Variants in CCSER1 observed in about 807,000 individuals in gnomAD.
CCSER1 encodes coiled-coil serine rich protein 1.
In CCSER1, 41 loss-of-function variants were observed where a neutral mutation model predicts 82.0. The observed-to-expected ratio is 0.50, with a 90% CI of 0.39 to 0.65. CCSER1 has a LOEUF of 0.65. CCSER1 is among the 30% of genes least tolerant of loss of function. CCSER1 has a pLI of 0.00. For synonymous variants in CCSER1, 414 were observed against 383.9 expected (o/e 1.08, Z -0.92); for missense variants, 1,119 against 1,064.2 (o/e 1.05, Z -0.72).
In CCSER1 at chr4:91,602,700, T is replaced by G. The variant is rs1764857969; in HGVS notation, c.*3643T>G. 6.6e-6 allele frequency among the ~76,000 whole-genome samples: 1 copy of G among 152,002 alleles called. No homozygotes were observed. Among genetic ancestry groups the G allele is most frequent in the South Asian group, 2.1e-4 (1 of 4,832 alleles). On this transcript the variant is annotated 3_prime_UTR_variant, in exon 11 of 11. Coordinates refer to ENST00000509176, the MANE Select transcript of CCSER1 (RefSeq NM_001145065.2). ...AAGTGGTTCAAAATAACCCTAAGATTCCATTGAAACATATACACACAGATG... is the reference window on the plus strand; with the variant it reads ...AAGTGGTTCAAAATAACCCTAAGATGCCATTGAAACATATACACACAGATG...
chr4:91,125,139 G>GTATA (rs538780957), intron 10 of CCSER1, among the ~76,000 whole-genome samples: 8 of 151,590 alleles, frequency 5.3e-5, no homozygotes, highest in African/African-American at 1.9e-4. Flanking sequence ...TATCAAATTT[G>GTATA]TATATATATT....
chr4:91,030,365 A>G (rs1391906484), intron 9 of CCSER1, among the ~76,000 whole-genome samples: 2 of 152,150 alleles, frequency 1.3e-5, no homozygotes, highest in African/African-American at 2.4e-5. Flanking sequence ...ACACATAGCT[A>G]TTGAGCACTT....
intron 3 of CCSER1, among the ~76,000 whole-genome samples, chr4:90,391,034 C>T (rs994611389): frequency 4.1e-5 from 6 of 147,564 alleles, no homozygotes; most frequent in African/African-American, 1.0e-4. Context: ...GAGGCTGAGG[C>T]GGACAGATCA....
chr4:90,551,095 TG>T (rs1036550529), intron 5 of CCSER1, among the ~76,000 whole-genome samples: 2 of 152,208 alleles, frequency 1.3e-5, no homozygotes, highest in African/African-American at 4.8e-5. Context: ...TACATTACTT[TG>T]GTTACAATTA....
rs187098155 is a variant in CCSER1 at position 91,142,851 on chromosome 4, T to C, written c.2217+56857T>C. On this transcript the variant is annotated intron_variant, in intron 10 of 10. Transcript: ENST00000509176. Reference sequence around the variant, plus strand: ...CCATTGGACTTTGTGTCTGTTTTTTTACCAGCACCATGCTATTTTGGTTAC... The same window carrying C: ...CCATTGGACTTTGTGTCTGTTTTTTCACCAGCACCATGCTATTTTGGTTAC... Among the ~76,000 whole-genome samples, 39 of 152,306 alleles carry C rather than the reference T, an allele frequency of 2.6e-4. No individual in the cohort carries two copies. In the East Asian group the frequency reaches 7.5e-3, roughly 29 times the overall value.
intron 10 of CCSER1, among the ~76,000 whole-genome samples, chr4:91,116,016 C>A (rs1241355339): frequency 1.3e-5 from 2 of 151,882 alleles, no homozygotes; most frequent in East Asian, 3.9e-4. Context: ...TGTCCCCACC[C>A]CACAACAGGC....
At chr4:90,839,006 T>C in intron 8 of CCSER1, 1 of 1,612,680 alleles carries the variant, frequency 6.2e-7, no homozygotes, top group Non-Finnish European at 8.5e-7. Context: ...ATCGAATTTC[T>C]CGATCTCAGC....
rs188790694 is a variant in CCSER1 at position 91,153,918 on chromosome 4, C to T, written c.2217+67924C>T. Among the ~76,000 whole-genome samples, 201 of 152,088 alleles carry T rather than the reference C, an allele frequency of 1.3e-3. 1 individual carries two copies. Among genetic ancestry groups the T allele is most frequent in the African/African-American group, 4.7e-3 (196 of 41,552 alleles). On this transcript the variant is annotated intron_variant, in intron 10 of 10. Transcript: ENST00000509176. ...GGCTGTATGAGGTGTCAGTCGGCCC[C>T]TACTGGGAGGTGCCTCCCAGTTAGG...
intron 4 of CCSER1, among the ~76,000 whole-genome samples, chr4:90,438,774 T>TCTATCTA (rs1553911940): frequency 5.3e-5 from 8 of 150,344 alleles, no homozygotes; most frequent in African/African-American, 2.0e-4. Flanking sequence ...TTTTGATATC[T>TCTATCTA]TCTATCTATC....
intron 8 of CCSER1, among the ~76,000 whole-genome samples, chr4:90,885,444 A>G (rs1460108546): frequency 2.6e-5 from 4 of 152,232 alleles, no homozygotes; most frequent in Non-Finnish European, 2.9e-5. Flanking sequence ...CCTGCCCTAT[A>G]TAGTAACAAC....
intron 10 of CCSER1, among the ~76,000 whole-genome samples, chr4:91,126,098 C>G (rs1181551430): frequency 6.6e-6 from 1 of 151,484 alleles, no homozygotes; most frequent in East Asian, 1.9e-4. Flanking sequence ...ATATTTCTAT[C>G]TAAGATAAAT....
At chr4:90,918,452 G>A (rs908131474) in intron 8 of CCSER1, 1 of 327,484 alleles carries the variant, frequency 3.1e-6, no homozygotes, top group Admixed American at 3.9e-5. Flanking sequence ...CTAGTCACTT[G>A]AGACTTCATT....
At chr4:90,342,218 T>A (rs905068137) in intron 3 of CCSER1, among the ~76,000 whole-genome samples, 1 of 152,154 alleles carries the variant, frequency 6.6e-6, no homozygotes, top group Non-Finnish European at 1.5e-5. Flanking sequence ...AGAAAGATAA[T>A]GTTGAACTGA....
At chr4:91,251,515 T>G (rs1328779297) in intron 10 of CCSER1, among the ~76,000 whole-genome samples, 7 of 152,154 alleles carry the variant, frequency 4.6e-5, no homozygotes, top group Non-Finnish European at 8.8e-5. Flanking sequence ...AGTGCTATAC[T>G]TCCTCAAGAG....
rs35863550 is a variant in CCSER1, at chr4:91,548,563, ATT to A, written c.2218-49997_2218-49996del. ...AGTCTAATGGCAACAAATTCCTTCA[ATT>A]TTTTTTTTTTTGAAAGTCTTTATTT... On this transcript the variant is annotated intron_variant, in intron 10 of 10. Coordinates refer to ENST00000509176, the MANE Select transcript of CCSER1 (RefSeq NM_001145065.2). Among the ~76,000 whole-genome samples, 402 of 146,690 alleles carry A rather than the reference ATT, an allele frequency of 2.7e-3. 1 individual carries two copies. The highest frequency in any genetic ancestry group is 8.3e-3 in the African/African-American group (334 of 40,072).
intron 8 of CCSER1, among the ~76,000 whole-genome samples, chr4:90,882,306 T>A (rs1721448254): frequency 6.6e-6 from 1 of 151,916 alleles, no homozygotes. Context: ...GTAAACTAGC[T>A]CACAAATGAA....
intron 9 of CCSER1, among the ~76,000 whole-genome samples, chr4:90,974,546 A>T (rs979092557): frequency 6.6e-6 from 1 of 151,404 alleles, no homozygotes; most frequent in African/African-American, 2.4e-5. Context: ...AAAGACTCAT[A>T]TTCAAAATAC....
intron 3 of CCSER1, among the ~76,000 whole-genome samples, chr4:90,343,913 T>C (rs1423963513): frequency 6.6e-6 from 1 of 152,170 alleles, no homozygotes; most frequent in Non-Finnish European, 1.5e-5. Flanking sequence ...CTTTTAGTTG[T>C]TTAAAAGTGT....
intron 1 of CCSER1, among the ~76,000 whole-genome samples, chr4:90,258,207 A>G (rs1404304917): frequency 1.3e-5 from 2 of 152,124 alleles, no homozygotes; most frequent in Non-Finnish European, 2.9e-5. Flanking sequence ...CAGAAAAATA[A>G]TTATTTACTC....
Sources: gnomAD v4.1 joint callset for allele counts (sites outside exome capture counted in the v4.1 genomes callset) on GRCh38, gnomAD v4.1.1 for gene constraint, MANE v1.5 for transcripts, NCBI Gene and HGNC (gene_info 2026-07-23, HGNC 2026-07-21) for gene names.